CDC42BPA: variants seen among roughly 807,000 people sequenced by gnomAD.
CDC42BPA encodes the protein serine/threonine-protein kinase MRCK alpha.
In CDC42BPA, 80 loss-of-function variants were observed where a neutral mutation model predicts 223.5. That is an observed-to-expected ratio of 0.36 (90% confidence interval 0.30 to 0.43). The LOEUF (loss-of-function observed/expected upper bound fraction) is 0.43. Ranked by LOEUF, CDC42BPA falls within the 20% of genes least tolerant of loss-of-function variation. The pLI is 1.00. For synonymous variants in CDC42BPA, 694 were observed against 718.6 expected (o/e 0.97, Z 0.55); for missense variants, 1,743 against 2,099.9 (o/e 0.83, Z 3.32).
At chr1:227,034,474 C>A (rs1669878485) in intron 26 of CDC42BPA, among the ~76,000 whole-genome samples, 181 bp downstream of exon 26, 1 of 152,170 alleles carries the variant, frequency 6.6e-6, no homozygotes, top group African/African-American at 2.4e-5. Flanking sequence ...CACATACCAA[C>A]CTGTCCTATA....
At chr1:227,239,137 C>T (rs2813952) in intron 2 of CDC42BPA, among the ~76,000 whole-genome samples, 24,023 of 152,102 alleles carry the variant, frequency 0.16, 2,186 homozygotes, top group East Asian at 0.37. Context: ...TGTAGAGGAA[C>T]CATAAATTCA....
At chr1:227,222,679 C>A (rs1019256133) in intron 2 of CDC42BPA, among the ~76,000 whole-genome samples, 5 of 152,228 alleles carry the variant, frequency 3.3e-5, no homozygotes, top group African/African-American at 1.2e-4. Flanking sequence ...AGTCTGTTAG[C>A]ATTAGATCAT....
chr1:227,224,353 C>T (rs1019208576), intron 2 of CDC42BPA, among the ~76,000 whole-genome samples: 2 of 151,950 alleles, frequency 1.3e-5, no homozygotes, highest in African/African-American at 4.8e-5. Context: ...CCTGCCTCAG[C>T]CTCCCAAGTA....
Position 227,254,249 on chromosome 1 carries a change from A to T in CDC42BPA, c.179-94T>A, listed in dbSNP as rs531778453. 5.7e-4 allele frequency: 360 copies of T among 629,170 alleles called. 1 individual carries two copies. The African/African-American group carries it at 5.8e-3, about 10-fold the overall frequency. The allele number at this position is 629,170 out of a possible 1,614,324, so 39.0% of individuals were successfully genotyped here. On this transcript the variant is annotated intron_variant, in intron 1 of 36. Transcript: ENST00000366766. ...TGTTTCTTAGTTACACAAAAATTCA[A>T]ATTATGATTTAAGAATTGTCAAAAT...
At chr1:227,294,251 G>A (rs747624725) in intron 1 of CDC42BPA, among the ~76,000 whole-genome samples, 11 of 150,942 alleles carry the variant, frequency 7.3e-5, no homozygotes, top group South Asian at 2.1e-4. Flanking sequence ...CAGCCTGGGC[G>A]ACTGAGCTAG....
chr1:227,257,831 T>G (rs551059705), intron 1 of CDC42BPA, among the ~76,000 whole-genome samples: 3 of 150,240 alleles, frequency 2.0e-5, no homozygotes, highest in Admixed American at 2.0e-4. Context: ...TTAAAAAAAA[T>G]TACACACAAG....
At chr1:227,290,179 T>C (rs1451909410) in intron 1 of CDC42BPA, among the ~76,000 whole-genome samples, 1 of 152,166 alleles carries the variant, frequency 6.6e-6, no homozygotes, top group South Asian at 2.1e-4. Context: ...TGCACCCAAG[T>C]ACTATGCTCC....
chr1:227,021,507 C>G (rs1390463327), intron 32 of CDC42BPA, among the ~76,000 whole-genome samples: 1 of 152,122 alleles, frequency 6.6e-6, no homozygotes, highest in African/African-American at 2.4e-5. Context: ...GCCTGTTCAC[C>G]AAGAAACCTC....
chr1:227,047,906 G>C (rs771970891), intron 23 of CDC42BPA, 21 bp downstream of exon 23: 25 of 1,451,570 alleles, frequency 1.7e-5, no homozygotes, highest in Non-Finnish European at 2.1e-5. Context: ...AACACACTAT[G>C]CTTATAACTA....
chr1:227,136,426 C>T (rs1658582879), intron 10 of CDC42BPA, among the ~76,000 whole-genome samples: 2 of 152,126 alleles, frequency 1.3e-5, no homozygotes, highest in African/African-American at 4.8e-5. Flanking sequence ...TACACAATTA[C>T]AGTCCCAGAA....
At chr1:227,062,634 T>G (rs1366634064) in intron 21 of CDC42BPA, among the ~76,000 whole-genome samples, 1 of 152,202 alleles carries the variant, frequency 6.6e-6, no homozygotes. Context: ...TGAATCCTTC[T>G]GAATGTCCAT....
intron 1 of CDC42BPA, among the ~76,000 whole-genome samples, chr1:227,284,951 A>G (rs1206818009): frequency 6.8e-6 from 1 of 147,142 alleles, no homozygotes; most frequent in African/African-American, 2.5e-5. Flanking sequence ...TGACAGAGTG[A>G]GACCCCATCT....
At chr1:227,224,947 G>A (rs547746925) in intron 2 of CDC42BPA, among the ~76,000 whole-genome samples, 2 of 152,124 alleles carry the variant, frequency 1.3e-5, no homozygotes, top group Admixed American at 6.5e-5. Context: ...CACTGTTGTA[G>A]GTACTGGGAA....
At chr1:227,056,172 T>TC in intron 21 of CDC42BPA, among the ~76,000 whole-genome samples, 1 of 152,294 alleles carries the variant, frequency 6.6e-6, no homozygotes, top group East Asian at 1.9e-4. Context: ...TCATCTTGAA[T>TC]ATGTATCAAC....
chr1:227,193,052 G>A (rs1669975769), intron 5 of CDC42BPA, among the ~76,000 whole-genome samples: 1 of 148,126 alleles, frequency 6.8e-6, no homozygotes, highest in East Asian at 2.0e-4. Context: ...AATGCTGACT[G>A]GAAGTGAGAA....
chr1:227,159,857 G>C (rs1038282865), intron 6 of CDC42BPA, among the ~76,000 whole-genome samples: 7 of 151,658 alleles, frequency 4.6e-5, no homozygotes, highest in African/African-American at 1.5e-4. Flanking sequence ...GGGGAGTGAG[G>C]GGGTGGGAGA....
chr1:227,241,291 TTTTAAA>T (rs1679971684), intron 2 of CDC42BPA, among the ~76,000 whole-genome samples: 1 of 152,134 alleles, frequency 6.6e-6, no homozygotes, highest in Non-Finnish European at 1.5e-5. Flanking sequence ...TGCCAGTTTC[TTTTAAA>T]TTTAAACATG....
At chr1:227,118,152 C>T (rs1357998726) in intron 12 of CDC42BPA, among the ~76,000 whole-genome samples, 2 of 152,100 alleles carry the variant, frequency 1.3e-5, no homozygotes, top group Non-Finnish European at 2.9e-5. Flanking sequence ...CTCTACACTA[C>T]TCGTGGAAAT....
intron 2 of CDC42BPA, among the ~76,000 whole-genome samples, chr1:227,236,218 T>C (rs1470849931): frequency 6.6e-6 from 1 of 152,230 alleles, no homozygotes; most frequent in Non-Finnish European, 1.5e-5. Context: ...GATATAGATT[T>C]GACTGAATGA....
Sources: allele counts gnomAD v4.1 joint callset (sites outside exome capture counted in the v4.1 genomes callset), GRCh38; gene constraint gnomAD v4.1.1; transcripts MANE v1.5; gene names NCBI Gene and HGNC (gene_info 2026-07-23, HGNC 2026-07-21).